Variants in KCNH6 observed in about 807,000 individuals in gnomAD.
KCNH6 encodes voltage-gated inwardly rectifying potassium channel KCNH6.
KCNH6 carries 81 observed loss-of-function variants against 83.4 expected under a neutral mutation model. That is an observed-to-expected ratio of 0.97 (90% CI 0.81 to 1.17). The LOEUF (loss-of-function observed/expected upper bound fraction) is 1.17, where lower values mean the gene tolerates loss of function less well. Among genes scored for constraint, KCNH6 ranks in the 50% most tolerant of loss-of-function variants. The pLI, the probability that KCNH6 is intolerant of heterozygous loss-of-function variation, is 0.00. For synonymous variants in KCNH6, 503 were observed against 545.6 expected (o/e 0.92, Z 1.09); for missense variants, 1,203 against 1,290.5 (o/e 0.93, Z 1.04).
In KCNH6 at chr17:63,535,545, G is replaced by A; in HGVS notation, c.1102-124G>A. The A allele has an allele frequency of 1.1e-6, 1 of 908,212 alleles. No individual in the cohort carries two copies. The highest frequency in any genetic ancestry group is 1.7e-6 in the Non-Finnish European group (1 of 602,666). 56.3% of individuals were successfully genotyped at this position (908,212 alleles called of 1,614,324 possible). ...ACACTGCCAAGTGCGTGGCCCGGAG[G>A]AAGTTCTCCATAAATGTTTGTTGAA... is the stretch of plus-strand genomic sequence containing the variant. On this transcript the variant is annotated intron_variant, in intron 5 of 12. Coordinates refer to ENST00000314672, the MANE Select transcript of KCNH6 (RefSeq NM_001278919.2). This position sits in a 1 kb window ranked among gnomAD's most constrained non-coding sequence, Gnocchi z 4.9.
chr17:63,535,779 C>T lies in KCNH6; in HGVS notation c.1212C>T (p.Leu404=). Residue 404 remains leucine, a synonymous_variant, in exon 6 of 13, where the codon CTC becomes CTT. Transcript: ENST00000314672. The surrounding 1 kb of genome is among the most constrained non-coding windows in gnomAD (Gnocchi z 4.9). ...ATGGGGCGGCTGTGCTCTTCTTGCT[C>T]ATGTGCACCTTCGCGCTCATAGCGC... The part of the protein sequence containing the change: ...SEYGAAVLFL[L]MCTFALIAHW... 6.2e-7 allele frequency: 1 copy of T among 1,614,242 alleles called. No individual in the cohort carries two copies. Among genetic ancestry groups the T allele is most frequent in the Non-Finnish European group, 8.5e-7 (1 of 1,180,052 alleles).
At position 63,530,560 on chromosome 17, in the gene KCNH6, A is replaced by G; in HGVS notation, c.675+18A>G. On this transcript the variant is annotated intron_variant, in intron 4 of 12. Coordinates refer to ENST00000314672, the MANE Select transcript of KCNH6 (RefSeq NM_001278919.2). The stretch of plus-strand genomic sequence containing the variant: ...TCACCCAGGTGCGGGCCTGCAGAGC[A>G]GGGTGTGCAGAGCTGTGCCAGGCCT... 1 of 1,612,492 alleles carries G rather than the reference A, an allele frequency of 6.2e-7. No homozygotes were observed. The highest frequency in any genetic ancestry group is 8.5e-7 in the Non-Finnish European group (1 of 1,178,856).
At chr17:63,544,442 G>A (rs1237697204) in intron 11 of KCNH6, 31 bp downstream of exon 11, 1 of 1,484,486 alleles carries the variant, frequency 6.7e-7, no homozygotes, top group Non-Finnish European at 8.9e-7. Flanking sequence ...GCTGGGGGCT[G>A]GTCATGGGTA....
rs145903729 is a variant in KCNH6 at position 63,542,380 on chromosome 17, G to A, written c.2094G>A (p.Pro698=). 2.0e-5 allele frequency: 32 copies of A among 1,614,184 alleles called. No homozygotes were observed. The highest frequency in any genetic ancestry group is 1.6e-4 in the African/African-American group (12 of 75,054). ...TGCTGGAGGTGCTGGACATGTACCC[G>A]GCCTTTGCGGAGAGCTTCTGGAGTA... ...ADLLEVLDMY[P]AFAESFWSKL... Residue 698 remains proline (P), a synonymous_variant, in exon 9 of 13, where the codon CCG becomes CCA. Transcript: ENST00000314672.
At position 63,523,444 on chromosome 17, in the gene KCNH6, CA is replaced by C; in HGVS notation, c.35del (p.Asn12ThrfsTer19). On this transcript the variant is annotated frameshift_variant, in exon 1 of 13. Coordinates refer to ENST00000314672, the MANE Select transcript of KCNH6 (RefSeq NM_001278919.2). LOFTEE classifies it high-confidence loss of function. The surrounding 1 kb of genome is among the most constrained non-coding windows in gnomAD (Gnocchi z 4.2). MPVRRGHVAPQNTYLDTIIRK... is the reference protein window; with the variant it reads MPVRRGHVAPXNTYLDTIIRK... Reference sequence around the variant, plus strand: ...GGTCCGCAGGGGCCACGTCGCTCCCCAAAACACTTACCTGGACACCATCATC... The same window carrying C: ...GGTCCGCAGGGGCCACGTCGCTCCCCAAACACTTACCTGGACACCATCATC... The C allele has an allele frequency of 6.2e-7, 1 of 1,606,172 alleles. No individual in the cohort carries two copies. Among genetic ancestry groups the C allele is most frequent in the Non-Finnish European group, 8.5e-7 (1 of 1,176,522 alleles).
rs746480557 is a variant in KCNH6, at chr17:63,535,639, A to C, written c.1102-30A>C. The stretch of plus-strand genomic sequence containing the variant: ...CTGCACCCTTCCAAGGGCTGACCCC[A>C]GCCCTGTGACCATTTCCCTACCCCT... On this transcript the variant is annotated intron_variant, in intron 5 of 12. Transcript: ENST00000314672. The surrounding 1 kb of genome is among the most constrained non-coding windows in gnomAD (Gnocchi z 4.9). 6.4e-7 allele frequency: 1 copy of C among 1,571,710 alleles called. No individual in the cohort carries two copies. The highest frequency in any genetic ancestry group is 2.3e-5 in the East Asian group (1 of 44,378).
intron 10 of KCNH6, 161 bp from the exon 11 acceptor site, chr17:63,544,088 G>A (rs781705318): frequency 6.2e-7 from 1 of 1,609,408 alleles, no homozygotes; most frequent in Admixed American, 1.7e-5. Context: ...AGAACTCCAT[G>A]GGGGCAGGAC....
At chr17:63,531,874 C>T (rs2032137698) in intron 4 of KCNH6, among the ~76,000 whole-genome samples, 1 of 152,210 alleles carries the variant, frequency 6.6e-6, no homozygotes, top group Admixed American at 6.5e-5. Context: ...CTCTTGGTGT[C>T]ACTCCCCTGC....
intron 10 of KCNH6, 81 bp from the exon 11 acceptor site, chr17:63,544,168 G>T: frequency 1.9e-6 from 3 of 1,601,712 alleles, no homozygotes; most frequent in Non-Finnish European, 2.6e-6. Context: ...CAGGTAGGGG[G>T]TGGGGGACAG....
rs1255323580 is a variant in KCNH6, at chr17:63,535,343, C to G, written c.1102-326C>G. ...TGAGCCAGGAGTGCCCTTTCCCTCT[C>G]TCTCCTGTCTGTCTGGAGCCCTAGC... On this transcript the variant is annotated intron_variant, in intron 5 of 12. Coordinates refer to ENST00000314672, the MANE Select transcript of KCNH6 (RefSeq NM_001278919.2). This position sits in a 1 kb window ranked among gnomAD's most constrained non-coding sequence, Gnocchi z 4.9. 6.6e-6 allele frequency among the ~76,000 whole-genome samples: 1 copy of G among 152,216 alleles called. No individual in the cohort carries two copies. The highest frequency in any genetic ancestry group is 1.5e-5 in the Non-Finnish European group (1 of 68,038).
rs1341727900 is a variant in KCNH6 at position 63,535,789 on chromosome 17, T to G, written c.1222T>G (p.Phe408Val). Residue 408 changes from phenylalanine to valine, a missense_variant, in exon 6 of 13, where the codon TTC becomes GTC. By Grantham distance (50) the Phe-to-Val change is conservative. Transcript: ENST00000314672. This position sits in a 1 kb window ranked among gnomAD's most constrained non-coding sequence, Gnocchi z 4.9. ...AAVLFLLMCT[F>V]ALIAHWLACI... Reference sequence around the variant, plus strand: ...TGTGCTCTTCTTGCTCATGTGCACCTTCGCGCTCATAGCGCACTGGCTGGC... The same window carrying G: ...TGTGCTCTTCTTGCTCATGTGCACCGTCGCGCTCATAGCGCACTGGCTGGC... 2.5e-6 allele frequency: 4 copies of G among 1,614,248 alleles called. No homozygotes were observed. In the South Asian group the frequency reaches 4.4e-5, roughly 18 times the overall value.
At position 63,523,538 on chromosome 17, in the gene KCNH6, C is replaced by T; in HGVS notation, c.76+49C>T. On this transcript the variant is annotated intron_variant, in intron 1 of 12. Coordinates refer to ENST00000314672, the MANE Select transcript of KCNH6 (RefSeq NM_001278919.2). This position sits in a 1 kb window ranked among gnomAD's most constrained non-coding sequence, Gnocchi z 4.2. ...GGGGGACGATCTGGAGTCCTGGTTC[C>T]GTGAAAGGGGGGGCTGGACCCCTTT... The T allele has an allele frequency of 2.6e-6, 4 of 1,535,810 alleles. No individual in the cohort carries two copies. Among genetic ancestry groups the T allele is most frequent in the African/African-American group, 1.4e-5 (1 of 71,300 alleles).
At chr17:63,530,593 C>A in intron 4 of KCNH6, 51 bp downstream of exon 4, 1 of 1,558,986 alleles carries the variant, frequency 6.4e-7, no homozygotes, top group Non-Finnish European at 8.8e-7. Flanking sequence ...CCTCCAGGGT[C>A]CCCTCCCAGG....
In KCNH6 at chr17:63,523,546, G is replaced by T. The variant is rs578056901; in HGVS notation, c.76+57G>T. 37 of 1,508,628 alleles carry T rather than the reference G, an allele frequency of 2.5e-5. No individual in the cohort carries two copies. Among genetic ancestry groups the T allele is most frequent in the South Asian group, 3.5e-5 (3 of 86,150 alleles). The allele number at this position is 1,508,628 out of a possible 1,614,324, so 93.5% of individuals were successfully genotyped here. A position where few individuals can be genotyped will look rare whatever the true frequency, so the allele number is the denominator to read the frequency against. On this transcript the variant is annotated intron_variant, in intron 1 of 12. Coordinates refer to ENST00000314672, the MANE Select transcript of KCNH6 (RefSeq NM_001278919.2). This position sits in a 1 kb window ranked among gnomAD's most constrained non-coding sequence, Gnocchi z 4.2. ...ATCTGGAGTCCTGGTTCCGTGAAAG[G>T]GGGGGCTGGACCCCTTTACTAACTT...
chr17:63,542,625 T>A (rs1598011079), intron 9 of KCNH6, among the ~76,000 whole-genome samples, 191 bp downstream of exon 9: 1 of 152,172 alleles, frequency 6.6e-6, no homozygotes, highest in Non-Finnish European at 1.5e-5. Flanking sequence ...AGCAGTAGGG[T>A]GCTAAGGGTG....
intron 9 of KCNH6, among the ~76,000 whole-genome samples, chr17:63,543,024 G>C (rs953945531): frequency 5.9e-5 from 9 of 152,248 alleles, no homozygotes; most frequent in African/African-American, 2.2e-4. Context: ...AGCTTGCTAA[G>C]GAGTGGGACA....
Position 63,538,711 on chromosome 17 carries a change from A to G in KCNH6, c.1954+49A>G, listed in dbSNP as rs1261668911. On this transcript the variant is annotated intron_variant, in intron 8 of 12. Coordinates refer to ENST00000314672, the MANE Select transcript of KCNH6 (RefSeq NM_001278919.2). This position sits in a 1 kb window ranked among gnomAD's most constrained non-coding sequence, Gnocchi z 4.0. ...GCCTGTGTTGGGGATTGGATGGAAG[A>G]GGGCGGGATTGGAGATGCCCTGCCC... 1.3e-6 allele frequency: 2 copies of G among 1,514,474 alleles called. No homozygotes were observed. Among genetic ancestry groups the G allele is most frequent in the Non-Finnish European group, 1.8e-6 (2 of 1,128,606 alleles). 93.8% of individuals were successfully genotyped at this position (1,514,474 alleles called of 1,614,324 possible).
rs372998261 is a variant in KCNH6, at chr17:63,545,900, T to C, written c.2875T>C (p.Ter959ArgextTer4). The C allele has an allele frequency of 1.2e-6, 2 of 1,613,326 alleles. No individual in the cohort carries two copies. Among genetic ancestry groups the C allele is most frequent in the Non-Finnish European group, 1.7e-6 (2 of 1,179,756 alleles). ...DPGFAGSWGH* is the reference protein window; with the variant it reads ...DPGFAGSWGHR ...TGGATTTGCAGGGAGTTGGGGCCAC[T>C]GAACTCCAAGATAAAGACACCATGA... The change falls in exon 13 of 13, where the codon TGA (stop) becomes CGA (arginine). Residue 959 changes from the stop codon to arginine (R), a stop_lost. Coordinates refer to ENST00000314672, the MANE Select transcript of KCNH6 (RefSeq NM_001278919.2).
chr17:63,530,003 A>G (rs1359726626), intron 2 of KCNH6, 88 bp from the exon 3 acceptor site: 1 of 1,426,164 alleles, frequency 7.0e-7, no homozygotes, highest in African/African-American at 1.4e-5. Flanking sequence ...CCTTCACTTG[A>G]CCTTCACTCA....
Sources: allele counts gnomAD v4.1 joint callset (sites outside exome capture counted in the v4.1 genomes callset), GRCh38; gene constraint gnomAD v4.1.1; non-coding constraint Gnocchi (gnomAD v3.1); transcripts MANE v1.5; gene names NCBI Gene and HGNC (gene_info 2026-07-23, HGNC 2026-07-21).